Variants in NSMF observed in about 807,000 individuals in gnomAD.
The protein encoded by NSMF is nasal embryonic LHRH factor.
A neutral mutation model predicts 71.0 loss-of-function variants in NSMF; 31 were observed. The observed-to-expected ratio is 0.44, with a 90% confidence interval of 0.33 to 0.59. The LOEUF is 0.59. NSMF is among the 20% of genes least tolerant of loss of function. The pLI, the probability that NSMF is intolerant of heterozygous loss-of-function variation, is 0.04. For synonymous variants in NSMF, 345 were observed against 287.1 expected (o/e 1.20, Z -2.04); for missense variants, 673 against 740.5 (o/e 0.91, Z 1.06).
In NSMF at chr9:137,453,091, A is replaced by T. The variant is rs1429462607; in HGVS notation, c.1012T>A (p.Cys338Ser). The change falls in exon 9 of 16, where the codon TGC becomes AGC. Residue 338 changes from cysteine to serine, a missense_variant. Cys to Ser is a moderately radical substitution (Grantham distance 112, BLOSUM62 -1). Around this residue, in one of 2 missense-constraint regions of NSMF, gnomAD observed 202 missense variants for 280.8 expected, o/e 0.72. Transcript: ENST00000371475. The surrounding 1 kb of genome is among the most constrained non-coding windows in gnomAD (Gnocchi z 4.5). ...DTEKGLEAVA[C>S]DTEGFVPPKV... is the part of the protein sequence containing the mutation. ...GGTGGCACGAAGCCTTCGGTGTCGC[A>T]GGCCACAGCCTCCAGGCCCTTCTCA... is the stretch of plus-strand genomic sequence containing the variant. 2 of 1,612,604 alleles carry T rather than the reference A, an allele frequency of 1.2e-6. No individual in the cohort carries two copies. Among genetic ancestry groups the T allele is most frequent in the Non-Finnish European group, 1.7e-6 (2 of 1,179,900 alleles).
rs969920249 is a variant in NSMF at position 137,459,097 on chromosome 9, G to A, written c.6C>T (p.Gly2=). ...GCGCCCTCCTCCTGGAGGCGGCGGC[G>A]CCCATGGTCGAGGCGGCGGCGCATC... M[G]AAASRRRALR... is the part of the protein sequence containing the mutation. Residue 2 remains glycine (G), a synonymous_variant, in exon 1 of 16, where the codon GGC becomes GGT. Coordinates refer to ENST00000371475, the MANE Select transcript of NSMF (RefSeq NM_001130969.3). The A allele has an allele frequency of 1.1e-5, 14 of 1,223,584 alleles. No individual in the cohort carries two copies. The highest frequency in any genetic ancestry group is 3.5e-5 in the East Asian group (1 of 28,672). 75.8% of individuals were successfully genotyped at this position (1,223,584 alleles called of 1,614,324 possible).
chr9:137,454,221 G>A (rs556518065), intron 7 of NSMF, among the ~76,000 whole-genome samples, 170 bp downstream of exon 7: 88 of 143,018 alleles, frequency 6.2e-4, no homozygotes, highest in African/African-American at 2.2e-3. Context: ...GCGTGGCTGG[G>A]AGGGGAGGAG....
At position 137,455,284 on chromosome 9, in the gene NSMF, C is replaced by G. The variant is rs1830775772; in HGVS notation, c.734G>C (p.Arg245Thr). Residue 245 changes from arginine (R) to threonine (T), a missense_variant, in exon 6 of 16, where the codon AGG (arginine) becomes ACG (threonine). Arg to Thr is a moderately conservative substitution (Grantham distance 71). Around this residue, in one of 2 missense-constraint regions of NSMF, gnomAD observed 471 missense variants for 459.6 expected, o/e 1.02. Coordinates refer to ENST00000371475, the MANE Select transcript of NSMF (RefSeq NM_001130969.3). ...ATCATTCTCCCGTTTCCGGCGCTTCCTCTCCGCGTAGCCCCTGAACACCCT... is the reference window on the plus strand; with the variant it reads ...ATCATTCTCCCGTTTCCGGCGCTTCGTCTCCGCGTAGCCCCTGAACACCCT... ...AISVFRGYAE[R>T]KRRKRENDSA... 1 of 1,612,812 alleles carries G rather than the reference C, an allele frequency of 6.2e-7. No homozygotes were observed. Among genetic ancestry groups the G allele is most frequent in the Admixed American group, 1.7e-5 (1 of 60,032 alleles).
intron 9 of NSMF, 66 bp from the exon 10 acceptor site, chr9:137,452,885 C>T (rs1564261974): frequency 1.9e-6 from 3 of 1,545,060 alleles, no homozygotes; most frequent in Middle Eastern, 3.6e-4. Flanking sequence ...TGTGGGAGCC[C>T]CCATGAGGCT....
intron 6 of NSMF, chr9:137,454,828 A>C: frequency 1.0e-4 from 123 of 1,203,860 alleles, no homozygotes; most frequent in East Asian, 1.5e-4. Flanking sequence ...GCACCACCCC[A>C]TGGCGGGCTG....
At chr9:137,455,549 G>A in intron 5 of NSMF, 80 bp downstream of exon 5, 3 of 1,481,542 alleles carry the variant, frequency 2.0e-6, no homozygotes, top group African/African-American at 2.8e-5. Context: ...TCCCTGGCCT[G>A]CCCAAACCTA....
rs759030901 is a variant in NSMF at position 137,449,664 on chromosome 9, T to C, written c.1430A>G (p.Asn477Ser). ...GNPNGEKLFQ[N>S]LRTLMTPYRV... is the part of the protein sequence containing the mutation. Reference sequence around the variant, plus strand: ...ATAAGGAGTCATGAGGGTCCTGAGGTTCTGGAACAGCTGGAGGAAGCGGGG... The same window carrying C: ...ATAAGGAGTCATGAGGGTCCTGAGGCTCTGGAACAGCTGGAGGAAGCGGGG... The change falls in exon 15 of 16, where the codon AAC becomes AGC. Residue 477 changes from asparagine (N) to serine (S), a missense_variant. Asn to Ser is a conservative substitution (Grantham distance 46, BLOSUM62 1). Coordinates refer to ENST00000371475, the MANE Select transcript of NSMF (RefSeq NM_001130969.3). The C allele has an allele frequency of 6.2e-6, 10 of 1,612,264 alleles. No individual in the cohort carries two copies. The highest frequency in any genetic ancestry group is 1.7e-5 in the Admixed American group (1 of 59,858).
chr9:137,449,701 C>A, intron 14 of NSMF, 27 bp from the exon 15 acceptor site: 1 of 1,598,130 alleles, frequency 6.3e-7, no homozygotes. Flanking sequence ...GCCATGAGTC[C>A]GAGGCAGAGA....
intron 6 of NSMF, chr9:137,454,990 G>C: frequency 1.4e-6 from 1 of 720,614 alleles, no homozygotes; most frequent in Non-Finnish European, 2.6e-6. Context: ...TGGAGTGGGG[G>C]AGGGGGGCCT....
At position 137,455,223 on chromosome 9, in the gene NSMF, G is replaced by A; in HGVS notation, c.779+16C>T. On this transcript the variant is annotated intron_variant, in intron 6 of 15. Coordinates refer to ENST00000371475, the MANE Select transcript of NSMF (RefSeq NM_001130969.3). ...CCAGAGATGGACCCTGGTGGCGAGT[G>A]GCTGGCAGGCCCTACCTCTGGATTA... 2 of 1,612,312 alleles carry A rather than the reference G, an allele frequency of 1.2e-6. No homozygotes were observed. Among genetic ancestry groups the A allele is most frequent in the South Asian group, 1.1e-5 (1 of 91,080 alleles).
At chr9:137,449,540 C>A (rs780147105) in intron 15 of NSMF, 49 bp from the exon 16 acceptor site, 1 of 1,610,044 alleles carries the variant, frequency 6.2e-7, no homozygotes, top group South Asian at 1.1e-5. Context: ...CCCTGGGGAT[C>A]CCACCCCACC....
At chr9:137,451,961 CA>C (rs1406047724) in intron 12 of NSMF, among the ~76,000 whole-genome samples, 1 of 28,086 alleles carries the variant, frequency 3.6e-5, no homozygotes, top group Non-Finnish European at 7.2e-5. Context: ...CTCCCCCAGC[CA>C]CACGCCTCTT....
intron 1 of NSMF, 71 bp from the exon 2 acceptor site, chr9:137,458,620 C>T: frequency 2.1e-6 from 3 of 1,419,566 alleles, no homozygotes; most frequent in East Asian, 2.5e-5. Context: ...GCGCAAGAGC[C>T]GGGGGTCCGG....
rs1471766000 is a variant in NSMF, at chr9:137,448,921, CGGCAGGGAGGGGGTG to C, written c.*458_*472del. 3.6e-5 allele frequency: 9 copies of C among 250,192 alleles called. No individual in the cohort carries two copies. In the East Asian group the frequency reaches 7.1e-4, roughly 20 times the overall value. 15.5% of individuals were successfully genotyped at this position (250,192 alleles called of 1,614,324 possible). On this transcript the variant is annotated 3_prime_UTR_variant, in exon 16 of 16. Transcript: ENST00000371475. The surrounding 1 kb of genome is among the most constrained non-coding windows in gnomAD (Gnocchi z 5.3). ...GCCACCCTGGTGCTGGTGATCGATA[CGGCAGGGAGGGGGTG>C]GGCAGGGAGGGTCCTGAACACATGT...
chr9:137,457,260 G>A (rs1830881726), intron 3 of NSMF, 147 bp downstream of exon 3: 1 of 1,183,326 alleles, frequency 8.5e-7, no homozygotes, highest in Non-Finnish European at 1.2e-6. Context: ...CGCAGCAGAA[G>A]CCTGCCGGTT....
rs370751279 is a variant in NSMF, at chr9:137,450,232, G to A, written c.1260C>T (p.Leu420=). The A allele has an allele frequency of 3.1e-6, 5 of 1,613,438 alleles. No homozygotes were observed. The highest frequency in any genetic ancestry group is 1.1e-5 in the South Asian group (1 of 91,080). The change falls in exon 13 of 16, where the codon CTC becomes CTT. Residue 420 remains leucine (L), a synonymous_variant. Transcript: ENST00000371475. ...FCQGGPGHLY[L]LKNKVATFAK... ...CAAAGGTGGCCACCTTGTTCTTGAG[G>A]AGATAGAGGTGTCCAGGACCTCCCT...
At chr9:137,458,937 C>G in intron 1 of NSMF, 95 bp downstream of exon 1, 7 of 1,017,274 alleles carry the variant, frequency 6.9e-6, no homozygotes, top group Non-Finnish European at 9.2e-6. Context: ...GAGGCCGGGG[C>G]CCGGGAGCCC....
At position 137,449,678 on chromosome 9, in the gene NSMF, G is replaced by T. The variant is rs763964584; in HGVS notation, c.1420-4C>A. The T allele has an allele frequency of 5.6e-6, 9 of 1,611,836 alleles. No homozygotes were observed. The highest frequency in any genetic ancestry group is 7.6e-6 in the Non-Finnish European group (9 of 1,179,274). ...GGGTCCTGAGGTTCTGGAACAGCTG[G>T]AGGAAGCGGGGTGCCATGAGTCCGA... On this transcript the variant is annotated splice_polypyrimidine_tract_variant and splice_region_variant and intron_variant, in intron 14 of 15. Transcript: ENST00000371475.
chr9:137,455,430 TC>T, intron 5 of NSMF, 123 bp from the exon 6 acceptor site: 1 of 1,194,134 alleles, frequency 8.4e-7, no homozygotes, highest in Non-Finnish European at 1.2e-6. Flanking sequence ...GGCAGAGGAG[TC>T]CCAGCCTGCC....
Sources: gnomAD v4.1 joint callset for allele counts (sites outside exome capture counted in the v4.1 genomes callset) on GRCh38, gnomAD v4.1.1 for gene constraint, gnomAD v4.1.1 regional missense constraint, Gnocchi (gnomAD v3.1) non-coding constraint, MANE v1.5 for transcripts, NCBI Gene and HGNC (gene_info 2026-07-23, HGNC 2026-07-21) for gene names.